The following ESYT2 variants were observed in gnomAD, a reference collection of about 807,000 sequenced individuals.
The protein encoded by ESYT2 is extended synaptotagmin 2, also known as extended synaptotagmin-2.
A neutral mutation model predicts 107.2 loss-of-function variants in ESYT2; 54 were observed. That is an observed-to-expected ratio of 0.50 (90% CI 0.40 to 0.63). The LOEUF (loss-of-function observed/expected upper bound fraction) is 0.63, where lower values mean the gene tolerates loss of function less well. Ranked by LOEUF, ESYT2 falls within the 30% of genes least tolerant of loss-of-function variation. The pLI is 0.00. For synonymous variants in ESYT2, 491 were observed against 434.1 expected (o/e 1.13, Z -1.63); for missense variants, 1,020 against 1,094.5 (o/e 0.93, Z 0.96).
At chr7:158,820,265 A>C (rs1840254412) in intron 1 of ESYT2, among the ~76,000 whole-genome samples, 1 of 152,240 alleles carries the variant, frequency 6.6e-6, no homozygotes, top group Non-Finnish European at 1.5e-5. Flanking sequence ...TTCAATTACA[A>C]GGAATGAGTT....
intron 1 of ESYT2, among the ~76,000 whole-genome samples, chr7:158,815,422 A>G (rs1209592955): frequency 6.6e-6 from 1 of 151,756 alleles, no homozygotes; most frequent in Admixed American, 6.6e-5. Context: ...TGGCTCACTC[A>G]TCTATCTTCC....
At chr7:158,827,253 C>G (rs970898686) in intron 1 of ESYT2, among the ~76,000 whole-genome samples, 1 of 151,970 alleles carries the variant, frequency 6.6e-6, no homozygotes, top group African/African-American at 2.4e-5. Flanking sequence ...AACCAAGTAT[C>G]TATGAAAGTC....
chr7:158,776,873 G>C (rs555257931), intron 6 of ESYT2, among the ~76,000 whole-genome samples: 1,907 of 142,800 alleles, frequency 0.013, 34 homozygotes, highest in African/African-American at 0.046. Flanking sequence ...TTTTTTTTGA[G>C]ACAGAGTCTT....
chr7:158,763,793 A>G (rs1838059891), intron 9 of ESYT2, among the ~76,000 whole-genome samples: 1 of 152,184 alleles, frequency 6.6e-6, no homozygotes, highest in African/African-American at 2.4e-5. Flanking sequence ...GGTGCAAGGC[A>G]TGAGACAGAC....
At chr7:158,792,764 G>GT (rs35348712) in intron 4 of ESYT2, among the ~76,000 whole-genome samples, 10,990 of 117,320 alleles carry the variant, frequency 0.094, 867 homozygotes, top group East Asian at 0.36. Flanking sequence ...ATAACGTGGG[G>GT]TTTTTTTTTT....
intron 1 of ESYT2, among the ~76,000 whole-genome samples, chr7:158,801,769 AC>A (rs1839654777): frequency 6.6e-6 from 1 of 152,164 alleles, no homozygotes; most frequent in African/African-American, 2.4e-5. Context: ...AGTTGACACC[AC>A]CCGCAAAAAT....
intron 21 of ESYT2, 68 bp from the exon 22 acceptor site, chr7:158,734,539 A>T: frequency 6.8e-7 from 1 of 1,473,504 alleles, no homozygotes; most frequent in Non-Finnish European, 9.3e-7. Flanking sequence ...CTGTAATCCC[A>T]GCACTTTGGG....
Position 158,752,482 on chromosome 7 carries a change from T to C in ESYT2, c.1482+299A>G, listed in dbSNP as rs112605191. On this transcript the variant is annotated intron_variant, in intron 14 of 22. Transcript: ENST00000275418. ...TTTAAGTAGAACGTCTATATCACAA[T>C]TTTCACAAATTCAAATCCAATTAAA... 4.7e-3 allele frequency among the ~76,000 whole-genome samples: 723 copies of C among 152,348 alleles called. 11 individuals are homozygous for C. Among genetic ancestry groups the C allele is most frequent in the African/African-American group, 0.016 (653 of 41,574 alleles).
At position 158,766,528 on chromosome 7, in the gene ESYT2, G is replaced by A. The variant is rs142266115; in HGVS notation, c.924+1126C>T. Among the ~76,000 whole-genome samples, 707 of 152,220 alleles carry A rather than the reference G, an allele frequency of 4.6e-3. 5 individuals carry two copies. Among genetic ancestry groups the A allele is most frequent in the African/African-American group, 0.016 (645 of 41,546 alleles). On this transcript the variant is annotated intron_variant, in intron 8 of 22. Coordinates refer to ENST00000275418, the MANE Select transcript of ESYT2 (RefSeq NM_001367773.1). ...CACATTAAAGCTGTTGAATGCCAGC[G>A]ATATAACCAATTTGAGCACCAAATT...
intron 13 of ESYT2, among the ~76,000 whole-genome samples, chr7:158,759,082 G>A (rs575276152): frequency 6.6e-6 from 1 of 152,302 alleles, no homozygotes; most frequent in South Asian, 2.1e-4. Flanking sequence ...CCAAGGCCCA[G>A]CAGCTCACGC....
At chr7:158,822,732 G>A (rs188983133) in intron 1 of ESYT2, among the ~76,000 whole-genome samples, 154 of 151,932 alleles carry the variant, frequency 1.0e-3, no homozygotes, top group African/African-American at 3.4e-3. Context: ...GATCCCTCAA[G>A]CCTAGGAGTT....
rs1252438332 is a variant in ESYT2 at position 158,732,824 on chromosome 7, C to T, written c.*1383G>A. 1 of 152,406 alleles carries T rather than the reference C, an allele frequency of 6.6e-6. No homozygotes were observed. Among genetic ancestry groups the T allele is most frequent in the Non-Finnish European group, 1.5e-5 (1 of 68,040 alleles). 9.4% of individuals were successfully genotyped at this position (152,406 alleles called of 1,614,324 possible). On this transcript the variant is annotated 3_prime_UTR_variant, in exon 23 of 23. Coordinates refer to ENST00000275418, the MANE Select transcript of ESYT2 (RefSeq NM_001367773.1). ...TATTTACACATAGTTTTAAGATGTT[C>T]TCATGGCTATGGAAGCCATTTTCAG...
intron 1 of ESYT2, among the ~76,000 whole-genome samples, chr7:158,806,546 C>G (rs1220869803): frequency 2.0e-5 from 3 of 152,316 alleles, no homozygotes; most frequent in African/African-American, 7.2e-5. Flanking sequence ...AGCTTCTACT[C>G]AGGAGAACAG....
intron 13 of ESYT2, 46 bp from the exon 14 acceptor site, chr7:158,752,889 T>C (rs1276347984): frequency 3.3e-6 from 4 of 1,200,542 alleles, no homozygotes; most frequent in Non-Finnish European, 3.3e-6. Context: ...TAATAAAACA[T>C]GCAATGAAGT....
intron 7 of ESYT2, among the ~76,000 whole-genome samples, chr7:158,772,439 CA>C (rs1461602645): frequency 6.6e-6 from 1 of 152,158 alleles, no homozygotes; most frequent in Non-Finnish European, 1.5e-5. Context: ...AACCAAGTTT[CA>C]TAATTTTCTA....
chr7:158,809,201 T>G (rs1839919584), intron 1 of ESYT2, among the ~76,000 whole-genome samples: 1 of 151,534 alleles, frequency 6.6e-6, no homozygotes, highest in Non-Finnish European at 1.5e-5. Flanking sequence ...CGGGGCGTGG[T>G]GCGTGGTGGC....
intron 1 of ESYT2, among the ~76,000 whole-genome samples, chr7:158,804,038 C>T (rs112156931): frequency 4.3e-5 from 1 of 22,990 alleles, no homozygotes; most frequent in Non-Finnish European, 7.7e-5. Context: ...GTGAGGCGCG[C>T]GACAAACCCA....
intron 6 of ESYT2, among the ~76,000 whole-genome samples, chr7:158,775,935 G>C (rs747409656): frequency 1.3e-5 from 2 of 152,212 alleles, no homozygotes; most frequent in Non-Finnish European, 2.9e-5. Flanking sequence ...CTTGAAAGTT[G>C]AAATTTCCCC....
chr7:158,751,141 C>A lies in ESYT2; in HGVS notation c.1483-1418G>T, dbSNP rs79344407. Among the ~76,000 whole-genome samples the A allele has an allele frequency of 4.6e-3, 694 of 152,178 alleles. 41 individuals are homozygous for A. In the East Asian group the frequency reaches 0.12, roughly 26 times the overall value. On this transcript the variant is annotated intron_variant, in intron 14 of 22. Transcript: ENST00000275418. ...ATGAATCTTAAATCGATAATATATACCTTTTTGGGGGAGGTTGGCAGTAGT... is the reference window on the plus strand; with the variant it reads ...ATGAATCTTAAATCGATAATATATAACTTTTTGGGGGAGGTTGGCAGTAGT...
Sources: allele counts gnomAD v4.1 joint callset (sites outside exome capture counted in the v4.1 genomes callset), GRCh38; gene constraint gnomAD v4.1.1; transcripts MANE v1.5; gene names NCBI Gene and HGNC (gene_info 2026-07-23, HGNC 2026-07-21).